Variants in NPAS2 observed in about 807,000 individuals in gnomAD.
NPAS2 encodes the protein neuronal PAS domain protein 2, also known as neuronal PAS domain-containing protein 2.
A neutral mutation model predicts 107.5 loss-of-function variants in NPAS2; 23 were observed. The observed-to-expected ratio is 0.21, with a 90% confidence interval of 0.15 to 0.30. The LOEUF (loss-of-function observed/expected upper bound fraction) is 0.30, where lower values mean the gene tolerates loss of function less well. NPAS2 is among the 10% of genes least tolerant of loss of function. The pLI is 1.00. For missense variants in NPAS2, 756 were observed against 1,043.3 expected (o/e 0.72, Z 3.79); for synonymous variants, 403 against 417.5 (o/e 0.97, Z 0.42).
rs923367822 is a variant in NPAS2 at position 100,968,199 on chromosome 2, C to T, written c.908-82C>T. 3 of 1,450,846 alleles carry T rather than the reference C, an allele frequency of 2.1e-6. No individual in the cohort carries two copies. Among genetic ancestry groups the T allele is most frequent in the Admixed American group, 1.9e-5 (1 of 53,726 alleles). The allele number at this position is 1,450,846 out of a possible 1,614,324, so 89.9% of individuals were successfully genotyped here. ...TTGGTATTGTCTTTTTTTTTGAAAG[C>T]TTATCTTTACAATAACTCTTGGGGA... On this transcript the variant is annotated intron_variant, in intron 10 of 20. Transcript: ENST00000335681. The surrounding 1 kb of genome is among the most constrained non-coding windows in gnomAD (Gnocchi z 5.3).
chr2:100,929,120 G>A (rs1015375406), intron 3 of NPAS2, among the ~76,000 whole-genome samples: 2 of 152,210 alleles, frequency 1.3e-5, no homozygotes, highest in Non-Finnish European at 2.9e-5. Context: ...GGCTAGCCTG[G>A]TCTCGAACTC....
At chr2:100,935,224 G>A (rs1004305248) in intron 4 of NPAS2, 9 of 320,746 alleles carry the variant, frequency 2.8e-5, no homozygotes, top group Middle Eastern at 1.6e-3. Context: ...GGAATAGGGA[G>A]CTTGTGGAAT....
chr2:100,907,805 A>G (rs1289018986), intron 2 of NPAS2, among the ~76,000 whole-genome samples: 1 of 152,186 alleles, frequency 6.6e-6, no homozygotes, highest in Non-Finnish European at 1.5e-5. Context: ...GTGAATTTCC[A>G]TGTAAATCCA....
At chr2:100,943,297 TTGAG>T (rs1674691987) in intron 5 of NPAS2, among the ~76,000 whole-genome samples, 1 of 152,252 alleles carries the variant, frequency 6.6e-6, no homozygotes, top group African/African-American at 2.4e-5. Flanking sequence ...ACCAATGAGA[TTGAG>T]TGTCTCTTTA....
chr2:100,984,353 T>A (rs962382110), intron 16 of NPAS2: 8 of 152,236 alleles, frequency 5.3e-5, no homozygotes, highest in Non-Finnish European at 1.0e-4. Flanking sequence ...AATAAGCAAG[T>A]AGAAATGACT....
At chr2:100,911,446 C>T (rs143041067) in intron 2 of NPAS2, among the ~76,000 whole-genome samples, 270 of 152,218 alleles carry the variant, frequency 1.8e-3, no homozygotes, top group African/African-American at 6.4e-3. Flanking sequence ...TTTATTGAGA[C>T]GGAGTTTTGC....
chr2:100,917,177 A>T (rs1024046075), intron 2 of NPAS2, among the ~76,000 whole-genome samples: 3 of 152,234 alleles, frequency 2.0e-5, no homozygotes, highest in African/African-American at 7.2e-5. Context: ...ACAGAAAGTA[A>T]TAAAATTAGA....
intron 2 of NPAS2, among the ~76,000 whole-genome samples, chr2:100,913,553 A>G (rs1427820259): frequency 2.6e-5 from 4 of 152,200 alleles, no homozygotes; most frequent in Non-Finnish European, 5.9e-5. Context: ...CCAGAGATGC[A>G]TAAGCTGAAG....
At chr2:100,856,823 G>A (rs72627420) in intron 1 of NPAS2, among the ~76,000 whole-genome samples, 1 of 152,266 alleles carries the variant, frequency 6.6e-6, no homozygotes, top group African/African-American at 2.4e-5. Flanking sequence ...AGGTGTCCAC[G>A]CTGCTTGCAC....
At chr2:100,941,991 C>T (rs911156846) in intron 5 of NPAS2, among the ~76,000 whole-genome samples, 1 of 152,058 alleles carries the variant, frequency 6.6e-6, no homozygotes, top group Non-Finnish European at 1.5e-5. Flanking sequence ...GTTCATTGAA[C>T]GAGGGACTGA....
chr2:100,844,456 C>A (rs985856033), intron 1 of NPAS2, among the ~76,000 whole-genome samples: 4 of 152,180 alleles, frequency 2.6e-5, no homozygotes, highest in Admixed American at 1.3e-4. Context: ...GCTCAGTTAG[C>A]CTCCAGTGGT....
chr2:100,919,358 G>C (rs1166952829), intron 2 of NPAS2, among the ~76,000 whole-genome samples: 1 of 152,118 alleles, frequency 6.6e-6, no homozygotes, highest in African/African-American at 2.4e-5. Context: ...CTCACTGTGT[G>C]TTAATTTTAA....
intron 1 of NPAS2, among the ~76,000 whole-genome samples, chr2:100,835,152 TTGGA>T (rs1381333146): frequency 6.6e-6 from 1 of 152,112 alleles, no homozygotes; most frequent in Non-Finnish European, 1.5e-5. Context: ...CAGCAGTCAC[TTGGA>T]GGGAAGCACT....
chr2:100,823,693 G>A (rs115957893), intron 1 of NPAS2: 23,032 of 152,050 alleles, frequency 0.15, 2,866 homozygotes, highest in East Asian at 0.41. Flanking sequence ...GAGCCCAGAT[G>A]ATAAAAAAAT....
At chr2:100,915,139 T>C (rs1381545082) in intron 2 of NPAS2, among the ~76,000 whole-genome samples, 2 of 152,290 alleles carry the variant, frequency 1.3e-5, no homozygotes, top group African/African-American at 4.8e-5. Context: ...AACAGCAGCA[T>C]AGCAGGAGCA....
chr2:100,920,469 G>A (rs1683148909), intron 2 of NPAS2, among the ~76,000 whole-genome samples: 1 of 152,128 alleles, frequency 6.6e-6, no homozygotes, highest in African/African-American at 2.4e-5. Flanking sequence ...CTGGAGGTCT[G>A]TCTGTATTGC....
intron 2 of NPAS2, among the ~76,000 whole-genome samples, chr2:100,918,940 C>T (rs1022280801): frequency 7.9e-5 from 12 of 152,260 alleles, no homozygotes; most frequent in African/African-American, 2.6e-4. Flanking sequence ...ACCTGTACAC[C>T]AATGGGCATA....
chr2:100,853,291 A>G (rs1473499445), intron 1 of NPAS2, among the ~76,000 whole-genome samples: 1 of 152,230 alleles, frequency 6.6e-6, no homozygotes, highest in Non-Finnish European at 1.5e-5. Flanking sequence ...CTTGGTTCTG[A>G]AAAGAACAGC....
chr2:100,941,363 A>G (rs1293953014), intron 5 of NPAS2, among the ~76,000 whole-genome samples: 5 of 152,200 alleles, frequency 3.3e-5, no homozygotes, highest in African/African-American at 7.2e-5. Context: ...CAGGAGTCCA[A>G]GACTAGCCTA....
Sources: allele counts gnomAD v4.1 joint callset (sites outside exome capture counted in the v4.1 genomes callset), GRCh38; gene constraint gnomAD v4.1.1; non-coding constraint Gnocchi (gnomAD v3.1); transcripts MANE v1.5; gene names NCBI Gene and HGNC (gene_info 2026-07-23, HGNC 2026-07-21).